The following KLF17 variants were observed in gnomAD, a reference collection of about 807,000 sequenced individuals.
The protein encoded by KLF17 is KLF transcription factor 17, also known as Krueppel-like factor 17.
Under a neutral mutation model 34.2 loss-of-function variants are expected in KLF17, and 31 were observed. The observed-to-expected ratio is 0.91, with a 90% CI of 0.68 to 1.22. The LOEUF is 1.22. KLF17 is among the 50% of genes most tolerant of loss of function. KLF17 has a pLI of 0.00. For synonymous variants in KLF17, 179 were observed against 186.7 expected, an observed-to-expected ratio of 0.96 and a Z score of 0.34; for missense variants, 478 against 505.2, an observed-to-expected ratio of 0.95 and a Z score of 0.52.
chr1:44,108,895 G>T, the KLF17 span, among the ~76,000 whole-genome samples: 3 of 152,200 alleles, frequency 2.0e-5, no homozygotes, highest in Non-Finnish European at 4.4e-5. Flanking sequence ...TTGAACTCCT[G>T]ACCTCAGGTG....
At chr1:44,081,941 A>T in the KLF17 span, among the ~76,000 whole-genome samples, 8 of 152,306 alleles carry the variant, frequency 5.3e-5, no homozygotes, top group Admixed American at 1.3e-4. Context: ...TTGTTACATC[A>T]TCTAGAATGT....
At chr1:44,076,121 A>G in the KLF17 span, 4 of 152,336 alleles carry the variant, frequency 2.6e-5, no homozygotes, top group East Asian at 7.7e-4. Flanking sequence ...ACCTGTCTAC[A>G]TTCAGATTTA....
At chr1:44,124,495 A>ATT (rs35952182) in intron 1 of KLF17, among the ~76,000 whole-genome samples, 40,862 of 112,258 alleles carry the variant, frequency 0.36, 8,460 homozygotes, top group African/African-American at 0.5. Flanking sequence ...CACTTGGCTA[A>ATT]TTTTTTTTTT....
At chr1:44,091,520 G>A in the KLF17 span, among the ~76,000 whole-genome samples, 2 of 151,676 alleles carry the variant, frequency 1.3e-5, no homozygotes, top group African/African-American at 4.8e-5. Context: ...GCCAGGCATG[G>A]TGGCACGCAC....
the KLF17 span, chr1:44,104,379 G>A: frequency 4.8e-6 from 5 of 1,033,124 alleles, no homozygotes; most frequent in East Asian, 1.2e-4. Context: ...GTTGCTCCCA[G>A]CCGTCTGCTG....
chr1:44,111,190 G>C, the KLF17 span, among the ~76,000 whole-genome samples: 131,112 of 149,320 alleles, frequency 0.88, 57,907 homozygotes, highest in Non-Finnish European at 0.93. Context: ...ATGAAGAAGT[G>C]TCACTGTGTT....
At chr1:44,085,106 G>A in the KLF17 span, among the ~76,000 whole-genome samples, 3 of 151,118 alleles carry the variant, frequency 2.0e-5, no homozygotes, top group African/African-American at 7.3e-5. Context: ...ATATATATAT[G>A]TGTGTGTATA....
the KLF17 span, among the ~76,000 whole-genome samples, chr1:44,060,073 C>T: frequency 7.2e-5 from 11 of 152,086 alleles, no homozygotes; most frequent in Admixed American, 3.3e-4. Flanking sequence ...CCCCCAGGCT[C>T]ATTTTGTTTG....
the KLF17 span, among the ~76,000 whole-genome samples, chr1:44,053,458 T>TG: frequency 2.2e-3 from 333 of 151,638 alleles, no homozygotes; most frequent in African/African-American, 7.2e-3. Context: ...CCCCTAGTTC[T>TG]GGGGGGGGAG....
chr1:44,055,119 A>G, the KLF17 span, among the ~76,000 whole-genome samples: 4 of 152,132 alleles, frequency 2.6e-5, no homozygotes, highest in Non-Finnish European at 4.4e-5. Flanking sequence ...TGGAAGAAGG[A>G]CTGTCCCAGG....
At position 44,129,391 on chromosome 1, in the gene KLF17, A is replaced by G; in HGVS notation, c.120A>G (p.Ser40=). Residue 40 remains serine, a synonymous_variant, in exon 2 of 4, where the codon TCA becomes TCG. Transcript: ENST00000372299. ...CAGCGCCCATCTTGAACATGTCTTC[A>G]TCTTCTGGAAGCTCTGGAGTGCACA... is the stretch of plus-strand genomic sequence containing the variant. ...ENSAPILNMS[S]SSGSSGVHTS... is the part of the protein sequence containing the mutation. 2 of 1,524,804 alleles carry G rather than the reference A, an allele frequency of 1.3e-6. No individual in the cohort carries two copies. Among genetic ancestry groups the G allele is most frequent in the Non-Finnish European group, 1.8e-6 (2 of 1,137,056 alleles). The allele number at this position is 1,524,804 out of a possible 1,614,324, so 94.5% of individuals were successfully genotyped here.
chr1:44,068,335 A>G, the KLF17 span, among the ~76,000 whole-genome samples: 1 of 152,122 alleles, frequency 6.6e-6, no homozygotes, highest in Non-Finnish European at 1.5e-5. Flanking sequence ...TCAGCGTCTC[A>G]TTCCAGTTTC....
chr1:44,067,271 G>T, the KLF17 span, among the ~76,000 whole-genome samples: 3 of 152,188 alleles, frequency 2.0e-5, no homozygotes, highest in Non-Finnish European at 4.4e-5. Context: ...TCTTGGCTTT[G>T]CAGACAACAG....
intron 1 of KLF17, among the ~76,000 whole-genome samples, chr1:44,125,302 T>C (rs955876120): frequency 1.8e-4 from 28 of 152,244 alleles, no homozygotes; most frequent in African/African-American, 5.3e-4. Flanking sequence ...TTTTGCCGTA[T>C]ATAGGATGGT....
At chr1:44,055,282 G>T in the KLF17 span, among the ~76,000 whole-genome samples, 4 of 152,138 alleles carry the variant, frequency 2.6e-5, no homozygotes, top group Non-Finnish European at 5.9e-5. Context: ...AAAATACTGG[G>T]TTCTTAATGG....
At chr1:44,053,700 T>C in the KLF17 span, among the ~76,000 whole-genome samples, 1 of 152,256 alleles carries the variant, frequency 6.6e-6, no homozygotes, top group East Asian at 1.9e-4. Context: ...ATGTTTGATT[T>C]GGCTTTATGC....
the KLF17 span, among the ~76,000 whole-genome samples, chr1:44,090,602 G>A: frequency 6.6e-6 from 1 of 152,194 alleles, no homozygotes; most frequent in East Asian, 1.9e-4. Flanking sequence ...TTGTGTTAAA[G>A]AGAAAGTCCG....
the KLF17 span, among the ~76,000 whole-genome samples, chr1:44,095,404 G>A: frequency 2.0e-5 from 3 of 150,812 alleles, no homozygotes; most frequent in African/African-American, 7.3e-5. Flanking sequence ...TAGTAGAAAC[G>A]AAGTTTCTCC....
In KLF17 at chr1:44,130,154, AC is replaced by A; in HGVS notation, c.885del (p.Lys296AsnfsTer6). ...CTACGAGAACTGCGGAAAAGCTTAT[AC>A]CAAACGCTCCCACCTCGTGAGCCAC... The part of the protein sequence containing the change: ...CNYENCGKAY[T>X]KRSHLVSHQR... On this transcript the variant is annotated frameshift_variant, in exon 2 of 4. Coordinates refer to ENST00000372299, the MANE Select transcript of KLF17 (RefSeq NM_173484.4). LOFTEE classifies it high-confidence loss of function. The A allele has an allele frequency of 6.2e-7, 1 of 1,613,916 alleles. No homozygotes were observed. Among genetic ancestry groups the A allele is most frequent in the South Asian group, 1.1e-5 (1 of 91,076 alleles).
Sources: allele counts gnomAD v4.1 joint callset (sites outside exome capture counted in the v4.1 genomes callset), GRCh38; gene constraint gnomAD v4.1.1; transcripts MANE v1.5; gene names NCBI Gene and HGNC (gene_info 2026-07-23, HGNC 2026-07-21).